TMC5: variants seen among roughly 807,000 people sequenced by gnomAD.
TMC5 encodes transmembrane channel like 5.
Under a neutral mutation model 110.5 loss-of-function variants are expected in TMC5, and 86 were observed. The ratio of observed to expected loss-of-function variants is 0.78; its 90% CI spans 0.65 to 0.93. The LOEUF (loss-of-function observed/expected upper bound fraction) is 0.93, where lower values mean the gene tolerates loss of function less well. Among genes scored for constraint, TMC5 ranks in the 40% least tolerant of loss-of-function variants. TMC5 has a pLI of 0.00. For missense variants in TMC5, 1,144 were observed against 1,222.8 expected (o/e 0.94, Z 0.96); for synonymous variants, 455 against 439.5 (o/e 1.04, Z -0.44).
chr16:19,456,857 G>C (rs746493087), intron 5 of TMC5: 1 of 1,614,196 alleles, frequency 6.2e-7, no homozygotes, highest in Non-Finnish European at 8.5e-7. Flanking sequence ...ATCTGACATT[G>C]ATGTGATAGA....
chr16:19,485,888 G>A (rs1263646613), intron 15 of TMC5, among the ~76,000 whole-genome samples: 3 of 152,208 alleles, frequency 2.0e-5, no homozygotes, highest in Admixed American at 6.5e-5. Context: ...TTGGAACTCA[G>A]TGCTATTCAG....
intron 14 of TMC5, among the ~76,000 whole-genome samples, chr16:19,480,257 A>G (rs966033700): frequency 6.6e-6 from 1 of 152,192 alleles, no homozygotes; most frequent in Non-Finnish European, 1.5e-5. Context: ...ATATCTATCT[A>G]TCTATCTATA....
At chr16:19,486,734 A>G (rs1476435728) in intron 15 of TMC5, among the ~76,000 whole-genome samples, 3 of 152,026 alleles carry the variant, frequency 2.0e-5, no homozygotes, top group Non-Finnish European at 4.4e-5. Flanking sequence ...TCCTACAGTG[A>G]TCTCATTCTA....
upstream of TMC5, among the ~76,000 whole-genome samples, chr16:19,413,074 C>T (rs562122569): frequency 2.0e-5 from 3 of 152,092 alleles, no homozygotes; most frequent in East Asian, 3.9e-4. Flanking sequence ...AAACTCCTGG[C>T]CTCAAGCAAT....
At chr16:19,478,829 C>A (rs867755398) in intron 13 of TMC5, among the ~76,000 whole-genome samples, 6 of 152,182 alleles carry the variant, frequency 3.9e-5, no homozygotes, top group African/African-American at 1.2e-4. Flanking sequence ...ATCATCCATC[C>A]ATCCTTGGGC....
chr16:19,467,638 C>T (rs1377892916), intron 9 of TMC5, among the ~76,000 whole-genome samples: 1 of 152,054 alleles, frequency 6.6e-6, no homozygotes, highest in Non-Finnish European at 1.5e-5. Context: ...TGTGCCACCA[C>T]GTCCGACTAA....
rs958883309 is a variant in TMC5 at position 19,453,727 on chromosome 16, T to G, written c.1048+4096T>G. Among the ~76,000 whole-genome samples, 79 of 152,046 alleles carry G rather than the reference T, an allele frequency of 5.2e-4. 1 individual carries two copies. The highest frequency in any genetic ancestry group is 1.7e-3 in the African/African-American group (69 of 41,494). ...GCACTGCAGTGAGCCAAGATCACCC[T>G]ACTGCACTCCAGCCTAGGGGACAGA... On this transcript the variant is annotated intron_variant, in intron 5 of 21. Transcript: ENST00000542583.
At position 19,430,654 on chromosome 16, in the gene TMC5, C is replaced by T. The variant is rs981210737; in HGVS notation, c.-80+14C>T. 2 of 152,130 alleles carry T rather than the reference C, an allele frequency of 1.3e-5. No individual in the cohort carries two copies. The highest frequency in any genetic ancestry group is 4.8e-5 in the African/African-American group (2 of 41,402). 9.4% of individuals were successfully genotyped at this position (152,130 alleles called of 1,614,324 possible). ...AAGGGCAAAAAAGTAAGTTTTCATA[C>T]AGCTGAATTTATTCGGTTAAATAAA... On this transcript the variant is annotated intron_variant, in intron 2 of 21. Coordinates refer to ENST00000542583, the MANE Select transcript of TMC5 (RefSeq NM_001261841.2).
At chr16:19,461,490 C>T (rs1968021344) in intron 6 of TMC5, among the ~76,000 whole-genome samples, 2 of 152,040 alleles carry the variant, frequency 1.3e-5, no homozygotes, top group African/African-American at 4.8e-5. Flanking sequence ...AGGAGAATCG[C>T]TTGAACCTGG....
rs1252159645 is a variant in TMC5 at position 19,449,146 on chromosome 16, C to T, written c.959-396C>T. On this transcript the variant is annotated intron_variant, in intron 4 of 21. Coordinates refer to ENST00000542583, the MANE Select transcript of TMC5 (RefSeq NM_001261841.2). ...GATTACAGGCGTGAGCCACTGTGCCCGGCCACATATACATATATTTTTAGA... is the reference window on the plus strand; with the variant it reads ...GATTACAGGCGTGAGCCACTGTGCCTGGCCACATATACATATATTTTTAGA... 2.6e-5 allele frequency among the ~76,000 whole-genome samples: 4 copies of T among 151,828 alleles called. No homozygotes were observed. The South Asian group carries it at 6.2e-4, about 24-fold the overall frequency.
chr16:19,479,919 C>T (rs1163263245), intron 14 of TMC5, among the ~76,000 whole-genome samples: 1 of 139,328 alleles, frequency 7.2e-6, no homozygotes, highest in Non-Finnish European at 1.5e-5. Context: ...AATAGGAAGA[C>T]TCTGTCTCTA....
intron 3 of TMC5, among the ~76,000 whole-genome samples, chr16:19,443,292 A>G (rs1433678007): frequency 2.0e-5 from 3 of 152,234 alleles, no homozygotes; most frequent in African/African-American, 4.8e-5. Flanking sequence ...GTTGATTTTC[A>G]TAGCATTTCC....
chr16:19,484,082 CAA>C (rs758360425), intron 15 of TMC5, among the ~76,000 whole-genome samples: 53 of 70,750 alleles, frequency 7.5e-4, no homozygotes, highest in Admixed American at 1.2e-3. Flanking sequence ...AACTCTGTCT[CAA>C]AAAAAAAAAA....
chr16:19,479,442 C>T lies in TMC5; in HGVS notation c.2181C>T (p.Thr727=). Residue 727 remains threonine, a synonymous_variant, in exon 14 of 22, where the codon ACC becomes ACT. Transcript: ENST00000542583. ...TGTTTGCCTTCCAGTGTTGGGAAAC[C>T]CTCATTGGCCAGGACATCTACCGGC... ...VALSGEECWE[T]LIGQDIYRLL... 6.2e-7 allele frequency: 1 copy of T among 1,613,868 alleles called. No homozygotes were observed. The highest frequency in any genetic ancestry group is 1.3e-5 in the African/African-American group (1 of 75,024).
In TMC5 at chr16:19,498,119, G is replaced by C. The variant is rs1420147654; in HGVS notation, c.*153G>C. The C allele has an allele frequency of 1.3e-5, 9 of 683,604 alleles. No homozygotes were observed. The highest frequency in any genetic ancestry group is 2.0e-5 in the Non-Finnish European group (8 of 395,390). 42.3% of individuals were successfully genotyped at this position (683,604 alleles called of 1,614,324 possible). On this transcript the variant is annotated 3_prime_UTR_variant, in exon 22 of 22. Coordinates refer to ENST00000542583, the MANE Select transcript of TMC5 (RefSeq NM_001261841.2). ...AACTGACTACCATGTAATTATCAAA[G>C]TAAAATTGGGCATTCCATGCTATTT... is the stretch of plus-strand genomic sequence containing the variant.
chr16:19,429,018 T>A (rs1298661649), intron 1 of TMC5, among the ~76,000 whole-genome samples: 1 of 151,880 alleles, frequency 6.6e-6, no homozygotes, highest in Non-Finnish European at 1.5e-5. Context: ...TAGAGATGGG[T>A]TTTCGCCATG....
Position 19,449,636 on chromosome 16 carries a change from G to A in TMC5, c.1048+5G>A. 3.7e-6 allele frequency: 6 copies of A among 1,613,864 alleles called. No homozygotes were observed. Among genetic ancestry groups the A allele is most frequent in the Non-Finnish European group, 4.2e-6 (5 of 1,179,796 alleles). ...ATTGGCACAAGTCACCCCAAGGTAA[G>A]TGATATGGTTTGGCTCTGTGTCCCC... On this transcript the variant is annotated splice_donor_5th_base_variant and intron_variant, in intron 5 of 21. Coordinates refer to ENST00000542583, the MANE Select transcript of TMC5 (RefSeq NM_001261841.2).
At chr16:19,437,539 A>G (rs546093020) in intron 2 of TMC5, among the ~76,000 whole-genome samples, 1 of 152,354 alleles carries the variant, frequency 6.6e-6, no homozygotes, top group South Asian at 2.1e-4. Flanking sequence ...CAGAAAGTTA[A>G]TATTATCGTA....
At chr16:19,425,931 C>T (rs1027574646) in intron 1 of TMC5, among the ~76,000 whole-genome samples, 6 of 152,220 alleles carry the variant, frequency 3.9e-5, no homozygotes, top group Non-Finnish European at 7.3e-5. Flanking sequence ...AGGCAATCCA[C>T]CCGCCTTGGC....
Sources: gnomAD v4.1 joint callset for allele counts (sites outside exome capture counted in the v4.1 genomes callset) on GRCh38, gnomAD v4.1.1 for gene constraint, MANE v1.5 for transcripts, NCBI Gene and HGNC (gene_info 2026-07-23, HGNC 2026-07-21) for gene names.